The following DPYD variants were observed in gnomAD, a reference collection of about 807,000 sequenced individuals.
The protein encoded by DPYD is dihydropyrimidine dehydrogenase [NADP(+)].
A neutral mutation model predicts 116.2 loss-of-function variants in DPYD; 109 were observed. That is an observed-to-expected ratio of 0.94 (90% CI 0.80 to 1.10). The LOEUF (loss-of-function observed/expected upper bound fraction) is 1.10, where lower values mean the gene tolerates loss of function less well. Ranked by LOEUF, DPYD falls within the 50% of genes least tolerant of loss-of-function variation. DPYD has a pLI of 0.00. For synonymous variants in DPYD, 440 were observed against 432.0 expected (o/e 1.02, Z -0.23); for missense variants, 1,302 against 1,254.5 (o/e 1.04, Z -0.57).
At chr1:97,382,298 T>A in intron 15 of DPYD, 95 bp downstream of exon 15, 1 of 647,028 alleles carries the variant, frequency 1.5e-6, no homozygotes, top group Admixed American at 3.4e-5. Flanking sequence ...TCAGTTTTAC[T>A]TCTACTGTAT....
At position 97,305,130 on chromosome 1, in the gene DPYD, T is replaced by C. The variant is rs541654954; in HGVS notation, c.2299+129A>G. 55 of 1,330,068 alleles carry C rather than the reference T, an allele frequency of 4.1e-5. No homozygotes were observed. In the South Asian group the frequency reaches 6.5e-4, roughly 16 times the overall value. The allele number at this position is 1,330,068 out of a possible 1,614,324, so 82.4% of individuals were successfully genotyped here. A position where few individuals can be genotyped will look rare whatever the true frequency, so the allele number is the denominator to read the frequency against. On this transcript the variant is annotated intron_variant, in intron 18 of 22. Transcript: ENST00000370192. ...ATTCAATCCGTTCTGTCATAACTAT[T>C]AGGAATATTGATCAGCTATGAGTTA... is the stretch of plus-strand genomic sequence containing the variant.
chr1:97,875,115 C>A (rs778170736), intron 2 of DPYD, among the ~76,000 whole-genome samples: 1 of 151,830 alleles, frequency 6.6e-6, no homozygotes, highest in Non-Finnish European at 1.5e-5. Context: ...TTCTTTTATT[C>A]TATGTTAGTT....
At position 97,397,569 on chromosome 1, in the gene DPYD, T is replaced by G. The variant is rs1196963747; in HGVS notation, c.1906-15108A>C. ...CTGCCTATCACTGATTTCTTTACTGTCACCATAGTTTTGTCTTTTCCAGAA... is the reference window on the plus strand; with the variant it reads ...CTGCCTATCACTGATTTCTTTACTGGCACCATAGTTTTGTCTTTTCCAGAA... On this transcript the variant is annotated intron_variant, in intron 14 of 22. Transcript: ENST00000370192. Among the ~76,000 whole-genome samples the G allele has an allele frequency of 3.3e-5, 5 of 152,074 alleles. No individual in the cohort carries two copies. The East Asian group carries it at 9.6e-4, about 29-fold the overall frequency.
chr1:97,398,849 C>T (rs1291738894), intron 14 of DPYD, among the ~76,000 whole-genome samples: 2 of 152,102 alleles, frequency 1.3e-5, no homozygotes, highest in Non-Finnish European at 1.5e-5. Flanking sequence ...GATATTAGCC[C>T]TTTGTCAGAT....
chr1:97,597,767 G>A (rs1004800710), intron 8 of DPYD, among the ~76,000 whole-genome samples: 1 of 152,096 alleles, frequency 6.6e-6, no homozygotes, highest in Non-Finnish European at 1.5e-5. Context: ...CCTGTCCTGC[G>A]CTAAGGAGTT....
At chr1:97,738,548 G>A (rs751962466) in intron 4 of DPYD, among the ~76,000 whole-genome samples, 9 of 152,090 alleles carry the variant, frequency 5.9e-5, no homozygotes, top group South Asian at 2.1e-4. Context: ...CCCCTCCTGC[G>A]TTGAGGTCCA....
rs1470768511 is a variant in DPYD at position 97,899,633 on chromosome 1, T to G, written c.40-16259A>C. Among the ~76,000 whole-genome samples the G allele has an allele frequency of 5.9e-5, 9 of 151,956 alleles. No homozygotes were observed. In the East Asian group the frequency reaches 1.8e-3, roughly 30 times the overall value. ...CAGAATTCCAGTAAGAGTATCATACTCTAGTGGCCACTCCTTCACATGGCT... is the reference window on the plus strand; with the variant it reads ...CAGAATTCCAGTAAGAGTATCATACGCTAGTGGCCACTCCTTCACATGGCT... On this transcript the variant is annotated intron_variant, in intron 1 of 22. Coordinates refer to ENST00000370192, the MANE Select transcript of DPYD (RefSeq NM_000110.4).
chr1:97,659,882 T>C (rs1659155122), intron 8 of DPYD, among the ~76,000 whole-genome samples: 1 of 152,134 alleles, frequency 6.6e-6, no homozygotes, highest in Non-Finnish European at 1.5e-5. Context: ...TGTATATTCA[T>C]ATGGTCATCT....
At chr1:97,806,849 C>T (rs557580472) in intron 3 of DPYD, among the ~76,000 whole-genome samples, 2 of 152,082 alleles carry the variant, frequency 1.3e-5, no homozygotes, top group African/African-American at 4.8e-5. Context: ...CTGGCAACCC[C>T]TCATATTTTC....
intron 14 of DPYD, among the ~76,000 whole-genome samples, chr1:97,445,380 A>T (rs900659062): frequency 6.6e-6 from 1 of 152,230 alleles, no homozygotes; most frequent in African/African-American, 2.4e-5. Context: ...CATGTATATA[A>T]CATGCATGTT....
intron 13 of DPYD, among the ~76,000 whole-genome samples, chr1:97,498,363 C>T (rs2786773): frequency 0.18 from 27,012 of 151,554 alleles, 2,552 homozygotes; most frequent in East Asian, 0.26. Flanking sequence ...GTTAAGAACA[C>T]TAAATATTAT....
At chr1:97,672,246 C>T (rs1479984778) in intron 8 of DPYD, among the ~76,000 whole-genome samples, 1 of 152,142 alleles carries the variant, frequency 6.6e-6, no homozygotes, top group Non-Finnish European at 1.5e-5. Flanking sequence ...TTTTCTTCCT[C>T]AATACTTCTA....
intron 2 of DPYD, among the ~76,000 whole-genome samples, chr1:97,878,041 C>G (rs371139642): frequency 6.6e-6 from 1 of 151,854 alleles, no homozygotes; most frequent in East Asian, 1.9e-4. Context: ...ACATATTAAT[C>G]TATCCTTCCT....
chr1:97,576,906 A>G (rs1249052009), intron 10 of DPYD, among the ~76,000 whole-genome samples: 4 of 152,162 alleles, frequency 2.6e-5, no homozygotes, highest in Admixed American at 6.5e-5. Flanking sequence ...AAATCACACC[A>G]CTTCTGCTAT....
At chr1:97,623,659 C>G (rs560922997) in intron 8 of DPYD, among the ~76,000 whole-genome samples, 1 of 151,828 alleles carries the variant, frequency 6.6e-6, no homozygotes, top group South Asian at 2.1e-4. Context: ...ATTGAAAAAC[C>G]CTGAATAGCC....
At chr1:97,390,502 C>T (rs1672633248) in intron 14 of DPYD, among the ~76,000 whole-genome samples, 1 of 151,976 alleles carries the variant, frequency 6.6e-6, no homozygotes, top group Non-Finnish European at 1.5e-5. Flanking sequence ...GAGATTGGTG[C>T]AATATTCCTG....
rs190382406 is a variant in DPYD at position 97,438,019 on chromosome 1, C to T, written c.1905+12040G>A. Reference sequence around the variant, plus strand: ...CTGAATTGCCTTTTTGCATCTTTGTCAAAAATCAGTTGTTCATATAAATAA... The same window carrying T: ...CTGAATTGCCTTTTTGCATCTTTGTTAAAAATCAGTTGTTCATATAAATAA... On this transcript the variant is annotated intron_variant, in intron 14 of 22. Transcript: ENST00000370192. 7.2e-5 allele frequency among the ~76,000 whole-genome samples: 11 copies of T among 152,008 alleles called. No individual in the cohort carries two copies. The East Asian group carries it at 2.1e-3, about 29-fold the overall frequency.
chr1:97,530,052 C>T (rs898424387), intron 12 of DPYD, among the ~76,000 whole-genome samples: 3 of 151,818 alleles, frequency 2.0e-5, no homozygotes, highest in Non-Finnish European at 4.4e-5. Context: ...CCTTAGATGC[C>T]TCATATAGAG....
intron 18 of DPYD, among the ~76,000 whole-genome samples, chr1:97,237,241 CAAAAAA>C (rs58926889): frequency 1.4e-4 from 8 of 57,694 alleles, no homozygotes; most frequent in Non-Finnish European, 2.1e-4. Context: ...GATTCTGTCT[CAAAAAA>C]AAAAAAAAAA....
Sources: gnomAD v4.1 joint callset for allele counts (sites outside exome capture counted in the v4.1 genomes callset) on GRCh38, gnomAD v4.1.1 for gene constraint, MANE v1.5 for transcripts, NCBI Gene and HGNC (gene_info 2026-07-23, HGNC 2026-07-21) for gene names.